Variants in ARL13B observed in about 807,000 individuals in gnomAD.
ARL13B encodes the protein ARF like GTPase 13B, also known as ADP-ribosylation factor-like protein 13B.
Under a neutral mutation model 56.1 loss-of-function variants are expected in ARL13B, and 36 were observed. The observed-to-expected ratio is 0.64, with a 90% CI of 0.49 to 0.85. ARL13B has a LOEUF of 0.85. Ranked by LOEUF, ARL13B falls within the 40% of genes least tolerant of loss-of-function variation. The pLI is 0.00. For synonymous variants in ARL13B, 178 were observed against 171.1 expected, an observed-to-expected ratio of 1.04 and a Z score of -0.32; for missense variants, 519 against 507.1, an observed-to-expected ratio of 1.02 and a Z score of -0.23.
At chr3:94,032,558 G>A (rs938608369) in intron 3 of ARL13B, among the ~76,000 whole-genome samples, 5 of 151,860 alleles carry the variant, frequency 3.3e-5, no homozygotes, top group African/African-American at 9.7e-5. Flanking sequence ...GTGTAGTGGC[G>A]CGATCTCGGC....
At chr3:93,987,867 A>G (rs1347202993) in intron 1 of ARL13B, among the ~76,000 whole-genome samples, 2 of 151,976 alleles carry the variant, frequency 1.3e-5, no homozygotes, top group Non-Finnish European at 2.9e-5. Flanking sequence ...GCATGTCTCA[A>G]TCTCCTGGGC....
intron 5 of ARL13B, among the ~76,000 whole-genome samples, chr3:94,037,556 TAAAA>T (rs762047296): frequency 6.6e-6 from 1 of 152,184 alleles, no homozygotes; most frequent in African/African-American, 2.4e-5. Context: ...TCTCTTTATA[TAAAA>T]GACAGATTAG....
chr3:94,034,811 A>T (rs1453351169), intron 3 of ARL13B, among the ~76,000 whole-genome samples: 4 of 151,840 alleles, frequency 2.6e-5, no homozygotes, highest in Non-Finnish European at 5.9e-5. Context: ...ACTTTATTTG[A>T]TTTTCCTTTT....
intron 5 of ARL13B, among the ~76,000 whole-genome samples, chr3:94,037,878 G>T (rs948438633): frequency 2.6e-5 from 4 of 151,926 alleles, no homozygotes; most frequent in African/African-American, 9.7e-5. Flanking sequence ...TCATGTTATG[G>T]CAGGCTTTTC....
chr3:94,030,729 T>C (rs906810466), intron 3 of ARL13B, among the ~76,000 whole-genome samples: 3 of 152,178 alleles, frequency 2.0e-5, no homozygotes, highest in Admixed American at 1.3e-4. Flanking sequence ...GAGACAAAGA[T>C]ACGTAACCAC....
chr3:94,030,684 T>G (rs952303755), intron 3 of ARL13B, among the ~76,000 whole-genome samples: 1 of 152,148 alleles, frequency 6.6e-6, no homozygotes, highest in African/African-American at 2.4e-5. Flanking sequence ...TAAAACAGTA[T>G]TATTGACTCT....
In ARL13B at chr3:94,003,764, G is replaced by A. The variant is rs121912606; in HGVS notation, c.236G>A (p.Arg79Gln). The change falls in exon 3 of 10, where the codon CGG becomes CAG. Residue 79 changes from arginine to glutamine, a missense_variant. By Grantham distance (43) the Arg-to-Gln change is conservative (BLOSUM62 1). Coordinates refer to ENST00000394222, the MANE Select transcript of ARL13B (RefSeq NM_001174150.2). ...GACTTGGGAGGTGGAATAAGAATTC[G>A]GGGAATCTGGAAGAATTACTATGCT... ...IFDLGGGIRI[R>Q]GIWKNYYAES... The A allele has an allele frequency of 6.2e-6, 10 of 1,613,518 alleles. No homozygotes were observed. The highest frequency in any genetic ancestry group is 1.7e-5 in the Admixed American group (1 of 59,986).
chr3:94,010,159 C>T (rs1024508633), intron 3 of ARL13B, among the ~76,000 whole-genome samples: 3 of 152,018 alleles, frequency 2.0e-5, no homozygotes, highest in African/African-American at 4.8e-5. Context: ...CAGAAAGGCC[C>T]TAAGTAGGTT....
At chr3:94,036,830 T>C in intron 5 of ARL13B, 76 bp downstream of exon 5, 2 of 1,470,480 alleles carry the variant, frequency 1.4e-6, no homozygotes, top group Non-Finnish European at 1.9e-6. Context: ...AGTTGTTAGT[T>C]TTATCTGTTC....
Position 94,049,450 on chromosome 3 carries a change from C to A in ARL13B, c.1069C>A (p.His357Asn). 1 of 1,609,202 alleles carries A rather than the reference C, an allele frequency of 6.2e-7. No homozygotes were observed. Among genetic ancestry groups the A allele is most frequent in the Non-Finnish European group, 8.5e-7 (1 of 1,178,100 alleles). ...KTKKLRMKRN[H>N]RVEPLNIDDC... ...TAAGAAACTAAGAATGAAAAGGAAC[C>A]ACCGGGTAGAACCACTTAATATAGA... The change falls in exon 8 of 10, where the codon CAC (histidine) becomes AAC (asparagine). Residue 357 changes from histidine (H) to asparagine (N), a missense_variant. His to Asn is a moderately conservative substitution (Grantham distance 68). Transcript: ENST00000394222.
rs142510905 is a variant in ARL13B at position 94,053,229 on chromosome 3, G to A, written c.1253G>A (p.Arg418Gln). 3.5e-4 allele frequency: 562 copies of A among 1,613,250 alleles called. 1 individual carries two copies. Among genetic ancestry groups the A allele is most frequent in the Middle Eastern group, 2.1e-3 (13 of 6,058 alleles). ...KPLPPLAVPQRPNSDAHDVIS is the reference protein window; with the variant it reads ...KPLPPLAVPQQPNSDAHDVIS The stretch of plus-strand genomic sequence containing the variant: ...CTGCCTCCCCTGGCTGTGCCACAGC[G>A]ACCTAACAGTGATGCTCATGATGTG... Residue 418 changes from arginine (R) to glutamine (Q), a missense_variant, in exon 10 of 10, where the codon CGA (arginine) becomes CAA (glutamine). By Grantham distance (43) the Arg-to-Gln change is conservative (BLOSUM62 1). Coordinates refer to ENST00000394222, the MANE Select transcript of ARL13B (RefSeq NM_001174150.2).
At chr3:94,023,679 A>G (rs759373515) in intron 3 of ARL13B, among the ~76,000 whole-genome samples, 1 of 152,148 alleles carries the variant, frequency 6.6e-6, no homozygotes, top group Non-Finnish European at 1.5e-5. Flanking sequence ...CTACGTTTAG[A>G]CATATCTACT....
At position 93,991,776 on chromosome 3, in the gene ARL13B, T is replaced by C. The variant is rs542240584; in HGVS notation, c.60-4098T>C. Among the ~76,000 whole-genome samples, 3 of 152,372 alleles carry C rather than the reference T, an allele frequency of 2.0e-5. No individual in the cohort carries two copies. In the South Asian group the frequency reaches 6.2e-4, roughly 32 times the overall value. ...TTGAGTTTTAGGTGAATGTTAACCT[T>C]TTAATTGCATTCTATCCTGAAAGTA... On this transcript the variant is annotated intron_variant, in intron 1 of 9. Coordinates refer to ENST00000394222, the MANE Select transcript of ARL13B (RefSeq NM_001174150.2).
intron 3 of ARL13B, among the ~76,000 whole-genome samples, chr3:94,004,858 G>A (rs192414146): frequency 6.6e-6 from 1 of 151,938 alleles, no homozygotes; most frequent in Admixed American, 6.6e-5. Flanking sequence ...ATGTTTTATT[G>A]AATCTAAAGG....
chr3:93,996,272 C>T (rs1305562641), intron 2 of ARL13B, among the ~76,000 whole-genome samples: 1 of 152,156 alleles, frequency 6.6e-6, no homozygotes, highest in Non-Finnish European at 1.5e-5. Context: ...TACCCATCTT[C>T]TACTTACATT....
chr3:94,015,834 G>A (rs557047148), intron 3 of ARL13B, among the ~76,000 whole-genome samples: 29 of 152,194 alleles, frequency 1.9e-4, no homozygotes, highest in Admixed American at 8.5e-4. Flanking sequence ...CTGAATTAAC[G>A]TATTACTTGG....
At position 94,029,039 on chromosome 3, in the gene ARL13B, A is replaced by T. The variant is rs563625699; in HGVS notation, c.381-6292A>T. 1.7e-3 allele frequency among the ~76,000 whole-genome samples: 252 copies of T among 151,466 alleles called. 2 individuals are homozygous for T. Among genetic ancestry groups the T allele is most frequent in the Non-Finnish European group, 2.8e-3 (189 of 67,810 alleles). ...AACCATTCATCCCACGTTACTTTTA[A>T]TTTTTTTTACTTTTTATTATGCCTG... On this transcript the variant is annotated intron_variant, in intron 3 of 9. Coordinates refer to ENST00000394222, the MANE Select transcript of ARL13B (RefSeq NM_001174150.2).
At chr3:93,986,505 T>C (rs185436833) in intron 1 of ARL13B, among the ~76,000 whole-genome samples, 1 of 152,354 alleles carries the variant, frequency 6.6e-6, no homozygotes, top group East Asian at 1.9e-4. Context: ...AAAGTCTTTT[T>C]TTGTATATGT....
intron 3 of ARL13B, among the ~76,000 whole-genome samples, chr3:94,033,363 T>A (rs2076709842): frequency 6.6e-6 from 1 of 151,976 alleles, no homozygotes; most frequent in African/African-American, 2.4e-5. Flanking sequence ...ACTGCACTCA[T>A]AATCCTTAAA....
Sources: gnomAD v4.1 joint callset for allele counts (sites outside exome capture counted in the v4.1 genomes callset) on GRCh38, gnomAD v4.1.1 for gene constraint, MANE v1.5 for transcripts, NCBI Gene and HGNC (gene_info 2026-07-23, HGNC 2026-07-21) for gene names.